The following NEGR1 variants were observed in gnomAD, a reference collection of about 807,000 sequenced individuals.
NEGR1 encodes IgLON family member 4.
Under a neutral mutation model 40.9 loss-of-function variants are expected in NEGR1, and 10 were observed. The observed-to-expected ratio is 0.24, with a 90% CI of 0.15 to 0.42. The LOEUF is 0.42. Among genes scored for constraint, NEGR1 ranks in the 10% least tolerant of loss-of-function variants. NEGR1 has a pLI of 1.00. For synonymous variants in NEGR1, 185 were observed against 166.8 expected (o/e 1.11, Z -0.84); for missense variants, 352 against 438.9 (o/e 0.80, Z 1.77).
At chr1:71,647,789 A>T (rs1651582009) in intron 4 of NEGR1, among the ~76,000 whole-genome samples, 1 of 152,002 alleles carries the variant, frequency 6.6e-6, no homozygotes, top group South Asian at 2.1e-4. Flanking sequence ...TCTTATTAGC[A>T]CTATATACTG....
chr1:71,869,162 T>A (rs1276345860), intron 2 of NEGR1, among the ~76,000 whole-genome samples: 1 of 152,194 alleles, frequency 6.6e-6, no homozygotes, highest in Non-Finnish European at 1.5e-5. Context: ...TAATACCAAC[T>A]ACCTGGATTA....
intron 6 of NEGR1, among the ~76,000 whole-genome samples, chr1:71,510,541 G>A (rs987106439): frequency 5.9e-5 from 9 of 152,172 alleles, no homozygotes; most frequent in Admixed American, 2.0e-4. Context: ...AGAATGTAGA[G>A]GAGGGGTCAG....
chr1:72,160,548 A>T (rs1319091603), intron 1 of NEGR1, among the ~76,000 whole-genome samples: 1 of 152,156 alleles, frequency 6.6e-6, no homozygotes, highest in African/African-American at 2.4e-5. Context: ...AGCAGAAATA[A>T]GTCAAATAGT....
At chr1:71,428,484 A>G (rs1322920217) in intron 6 of NEGR1, among the ~76,000 whole-genome samples, 1 of 152,176 alleles carries the variant, frequency 6.6e-6, no homozygotes, top group Non-Finnish European at 1.5e-5. Flanking sequence ...CATTATATCA[A>G]TGTGCTGTCA....
rs551414378 is a variant in NEGR1, at chr1:71,529,480, A to G, written c.940+63337T>C. 5.9e-5 allele frequency among the ~76,000 whole-genome samples: 9 copies of G among 151,368 alleles called. No homozygotes were observed. In the South Asian group the frequency reaches 1.2e-3, roughly 21 times the overall value. On this transcript the variant is annotated intron_variant, in intron 6 of 6. Transcript: ENST00000357731. ...CAGACAGGCTACACAAAGCAACCCA[A>G]TAAATAATTTTAGGATTAATAGTTT...
intron 1 of NEGR1, among the ~76,000 whole-genome samples, chr1:72,055,282 A>G (rs1436082796): frequency 6.6e-6 from 1 of 151,226 alleles, no homozygotes; most frequent in Non-Finnish European, 1.5e-5. Flanking sequence ...CCTTAATGCC[A>G]TAGGCCTGTC....
At chr1:72,051,379 A>C (rs1034958152) in intron 1 of NEGR1, among the ~76,000 whole-genome samples, 5 of 151,546 alleles carry the variant, frequency 3.3e-5, no homozygotes, top group Non-Finnish European at 7.4e-5. Flanking sequence ...AAGCAAAAAG[A>C]AGAAACACTT....
intron 1 of NEGR1, among the ~76,000 whole-genome samples, chr1:72,144,640 T>C (rs1464771967): frequency 6.6e-6 from 1 of 152,018 alleles, no homozygotes; most frequent in Non-Finnish European, 1.5e-5. Flanking sequence ...CTAAGCTGTT[T>C]AGATTTTGAA....
At chr1:71,541,202 G>A (rs1439716142) in intron 6 of NEGR1, among the ~76,000 whole-genome samples, 1 of 151,660 alleles carries the variant, frequency 6.6e-6, no homozygotes, top group African/African-American at 2.4e-5. Flanking sequence ...GTCATTGATT[G>A]TAGGAAAGGT....
intron 1 of NEGR1, among the ~76,000 whole-genome samples, chr1:72,011,678 T>A (rs1485202233): frequency 6.6e-6 from 1 of 152,092 alleles, no homozygotes; most frequent in Non-Finnish European, 1.5e-5. Context: ...GTAACAGAAG[T>A]AATAGTGTGA....
intron 3 of NEGR1, among the ~76,000 whole-genome samples, chr1:71,741,898 A>G (rs1235689523): frequency 6.6e-6 from 1 of 152,154 alleles, no homozygotes; most frequent in Non-Finnish European, 1.5e-5. Context: ...TCTCATGAGA[A>G]GTCACTCACG....
At position 71,899,727 on chromosome 1, in the gene NEGR1, G is replaced by A. The variant is rs547049232; in HGVS notation, c.409+35352C>T. Among the ~76,000 whole-genome samples the A allele has an allele frequency of 3.3e-5, 5 of 152,196 alleles. No homozygotes were observed. In the South Asian group the frequency reaches 1.0e-3, roughly 32 times the overall value. On this transcript the variant is annotated intron_variant, in intron 2 of 6. Coordinates refer to ENST00000357731, the MANE Select transcript of NEGR1 (RefSeq NM_173808.3). ...AGTCTTCTTATTTATAGTTGGGAAT[G>A]ACTCTGTTTTTATCAGAAACCATTT... is the stretch of plus-strand genomic sequence containing the variant.
chr1:71,995,984 T>C (rs893910379), intron 1 of NEGR1, among the ~76,000 whole-genome samples: 1 of 152,142 alleles, frequency 6.6e-6, no homozygotes, highest in African/African-American at 2.4e-5. Context: ...ATTAGGGATA[T>C]CTATTTACGT....
At chr1:71,992,404 A>T (rs1329018367) in intron 1 of NEGR1, among the ~76,000 whole-genome samples, 1 of 152,168 alleles carries the variant, frequency 6.6e-6, no homozygotes, top group Non-Finnish European at 1.5e-5. Context: ...TCATAATTAC[A>T]TATCTAGAAT....
intron 2 of NEGR1, among the ~76,000 whole-genome samples, chr1:71,928,673 C>A (rs1645825127): frequency 6.6e-6 from 1 of 151,328 alleles, no homozygotes; most frequent in Admixed American, 6.6e-5. Flanking sequence ...CTAATAAGAT[C>A]CTGTCTTCAT....
At chr1:71,953,433 A>G (rs1265835000) in intron 1 of NEGR1, among the ~76,000 whole-genome samples, 1 of 151,992 alleles carries the variant, frequency 6.6e-6, no homozygotes. Context: ...TGAGCAAAGA[A>G]AGTCGTTTCT....
chr1:72,178,722 T>G (rs371685331), intron 1 of NEGR1, among the ~76,000 whole-genome samples: 8 of 152,032 alleles, frequency 5.3e-5, no homozygotes, highest in East Asian at 3.9e-4. Flanking sequence ...GTTTTGTTTT[T>G]TTTAATTTAA....
intron 1 of NEGR1, among the ~76,000 whole-genome samples, chr1:72,160,343 T>C (rs981993163): frequency 6.6e-6 from 1 of 152,140 alleles, no homozygotes; most frequent in Non-Finnish European, 1.5e-5. Flanking sequence ...GGAAGGCAAA[T>C]TAAACATTAA....
chr1:71,989,661 G>T (rs1646432577), intron 1 of NEGR1, among the ~76,000 whole-genome samples: 1 of 151,854 alleles, frequency 6.6e-6, no homozygotes, highest in South Asian at 2.1e-4. Context: ...ACCATAAATT[G>T]CACCAGTAAG....
Sources: allele counts gnomAD v4.1 joint callset (sites outside exome capture counted in the v4.1 genomes callset), GRCh38; gene constraint gnomAD v4.1.1; transcripts MANE v1.5; gene names NCBI Gene and HGNC (gene_info 2026-07-23, HGNC 2026-07-21).